Variants in TRIM44 observed in about 807,000 individuals in gnomAD.
TRIM44 encodes tripartite motif containing 44.
Under a neutral mutation model 37.4 loss-of-function variants are expected in TRIM44, and 13 were observed. The observed-to-expected ratio is 0.35, with a 90% CI of 0.23 to 0.55. The LOEUF is 0.55. TRIM44 is among the 20% of genes least tolerant of loss of function. The pLI, the probability that TRIM44 is intolerant of heterozygous loss-of-function variation, is 0.89. For synonymous variants in TRIM44, 175 were observed against 157.2 expected, an observed-to-expected ratio of 1.11 and a Z score of -0.85; for missense variants, 426 against 437.2, an observed-to-expected ratio of 0.97 and a Z score of 0.23.
intron 3 of TRIM44, among the ~76,000 whole-genome samples, chr11:35,729,198 G>A (rs534935215): frequency 5.9e-5 from 9 of 152,156 alleles, no homozygotes; most frequent in African/African-American, 1.7e-4. Flanking sequence ...AGAAAAGCCT[G>A]CTTCTGGAAG....
chr11:35,737,292 A>G (rs1852338416), intron 4 of TRIM44, among the ~76,000 whole-genome samples: 2 of 152,186 alleles, frequency 1.3e-5, no homozygotes, highest in South Asian at 4.1e-4. Flanking sequence ...ATGGGAAGCT[A>G]TTAAAGATTT....
chr11:35,792,072 T>A (rs1186667117), intron 4 of TRIM44, among the ~76,000 whole-genome samples: 1 of 136,750 alleles, frequency 7.3e-6, no homozygotes, highest in African/African-American at 2.9e-5. Flanking sequence ...GAGTTGCCCC[T>A]ACACACACAC....
At chr11:35,677,360 C>T (rs1324531964) in intron 1 of TRIM44, among the ~76,000 whole-genome samples, 1 of 151,190 alleles carries the variant, frequency 6.6e-6, no homozygotes, top group Non-Finnish European at 1.5e-5. Flanking sequence ...AACTATTTTC[C>T]CCTTCTCTTT....
Position 35,662,970 on chromosome 11 carries a change from T to C in TRIM44, c.-142T>C. ...GGGCAGGGGCTGCCGCGGCCCCAGGTCCCGCTTCGAGACGCGGCGCGGTCC... is the reference window on the plus strand; with the variant it reads ...GGGCAGGGGCTGCCGCGGCCCCAGGCCCCGCTTCGAGACGCGGCGCGGTCC... On this transcript the variant is annotated 5_prime_UTR_variant, in exon 1 of 5. Transcript: ENST00000299413. The C allele has an allele frequency of 7.4e-7, 1 of 1,351,348 alleles. No homozygotes were observed. The highest frequency in any genetic ancestry group is 9.5e-7 in the Non-Finnish European group (1 of 1,050,118). 83.7% of individuals were successfully genotyped at this position (1,351,348 alleles called of 1,614,324 possible).
At chr11:35,706,532 A>G (rs1418755527) in intron 2 of TRIM44, among the ~76,000 whole-genome samples, 1 of 152,218 alleles carries the variant, frequency 6.6e-6, no homozygotes, top group Non-Finnish European at 1.5e-5. Flanking sequence ...TGGCAAACCG[A>G]ATCCAGCAGC....
At chr11:35,719,671 A>G (rs900854681) in intron 2 of TRIM44, among the ~76,000 whole-genome samples, 2 of 152,130 alleles carry the variant, frequency 1.3e-5, no homozygotes, top group Admixed American at 6.6e-5. Flanking sequence ...AGAGTTTTAT[A>G]GTTTTGCATT....
At chr11:35,704,018 T>A (rs1167194855) in intron 2 of TRIM44, among the ~76,000 whole-genome samples, 2 of 151,818 alleles carry the variant, frequency 1.3e-5, no homozygotes, top group African/African-American at 4.8e-5. Context: ...TTGAAAAAAA[T>A]TTAGACGAAT....
At chr11:35,772,524 C>T (rs1234682765) in intron 4 of TRIM44, among the ~76,000 whole-genome samples, 2 of 152,260 alleles carry the variant, frequency 1.3e-5, no homozygotes, top group African/African-American at 4.8e-5. Flanking sequence ...TGGGAACCCA[C>T]CTCTTGCATC....
At chr11:35,787,314 A>G (rs1206700821) in intron 4 of TRIM44, among the ~76,000 whole-genome samples, 2 of 152,240 alleles carry the variant, frequency 1.3e-5, no homozygotes, top group Admixed American at 1.3e-4. Flanking sequence ...TTAAACAACC[A>G]TATTCTTAAA....
chr11:35,742,617 TTAA>T, intron 4 of TRIM44, among the ~76,000 whole-genome samples: 1 of 133,274 alleles, frequency 7.5e-6, no homozygotes, highest in African/African-American at 2.8e-5. Flanking sequence ...ATTAATTATA[TTAA>T]TTGTATTTTA....
chr11:35,786,824 G>A (rs903017614), intron 4 of TRIM44, among the ~76,000 whole-genome samples: 2 of 152,144 alleles, frequency 1.3e-5, no homozygotes, highest in African/African-American at 4.8e-5. Flanking sequence ...GCTGCAGCAG[G>A]AGAGTGGTTG....
At chr11:35,752,362 A>G (rs1440921371) in intron 4 of TRIM44, among the ~76,000 whole-genome samples, 2 of 151,826 alleles carry the variant, frequency 1.3e-5, no homozygotes, top group Non-Finnish European at 2.9e-5. Flanking sequence ...CCCCACTGCC[A>G]TTCCATTCTT....
At chr11:35,717,077 C>T (rs1201790297) in intron 2 of TRIM44, among the ~76,000 whole-genome samples, 1 of 152,116 alleles carries the variant, frequency 6.6e-6, no homozygotes, top group African/African-American at 2.4e-5. Context: ...AGAAATGTAT[C>T]CAGGTAGAGA....
At chr11:35,743,982 A>G (rs1412602656) in intron 4 of TRIM44, among the ~76,000 whole-genome samples, 1 of 152,220 alleles carries the variant, frequency 6.6e-6, no homozygotes, top group Non-Finnish European at 1.5e-5. Context: ...TGATGTCAAC[A>G]TTATGAATGG....
chr11:35,674,329 A>G (rs1049708382), intron 1 of TRIM44, among the ~76,000 whole-genome samples: 2 of 152,162 alleles, frequency 1.3e-5, no homozygotes, highest in Admixed American at 1.3e-4. Context: ...TCAGGTGCAA[A>G]AAAAATCAAT....
rs1853580709 is a variant in TRIM44 at position 35,816,403 on chromosome 11, T to G, written c.*10018T>G. 6.6e-6 allele frequency: 1 copy of G among 152,116 alleles called. No individual in the cohort carries two copies. Among genetic ancestry groups the G allele is most frequent in the Admixed American group, 6.5e-5 (1 of 15,272 alleles). The allele number at this position is 152,116 out of a possible 1,614,324, so 9.4% of individuals were successfully genotyped here. A position where few individuals can be genotyped will look rare whatever the true frequency, so the allele number is the denominator to read the frequency against. On this transcript the variant is annotated 3_prime_UTR_variant, in exon 5 of 5. Coordinates refer to ENST00000299413, the MANE Select transcript of TRIM44 (RefSeq NM_017583.6). ...AGATCCCCCCTGGGAAGGAACAGAA[T>G]GGAAAAACAATCTCCACTCATAAAA...
chr11:35,666,033 G>A (rs1196650338), intron 1 of TRIM44, among the ~76,000 whole-genome samples: 1 of 151,894 alleles, frequency 6.6e-6, no homozygotes, highest in Non-Finnish European at 1.5e-5. Flanking sequence ...TTTCCTTATG[G>A]TTAGTGCTTT....
chr11:35,701,374 C>T (rs984236007), intron 2 of TRIM44, among the ~76,000 whole-genome samples: 2 of 151,216 alleles, frequency 1.3e-5, no homozygotes, highest in African/African-American at 4.9e-5. Context: ...CTATAGTGCT[C>T]TTTAAAAAAA....
At chr11:35,783,171 G>T (rs1653710872) in intron 4 of TRIM44, among the ~76,000 whole-genome samples, 2 of 152,144 alleles carry the variant, frequency 1.3e-5, no homozygotes, top group South Asian at 2.1e-4. Context: ...CACATCTGAG[G>T]TATAAGGAGA....
Sources: gnomAD v4.1 joint callset for allele counts (sites outside exome capture counted in the v4.1 genomes callset) on GRCh38, gnomAD v4.1.1 for gene constraint, MANE v1.5 for transcripts, NCBI Gene and HGNC (gene_info 2026-07-23, HGNC 2026-07-21) for gene names.